ZNF280D: variants seen among roughly 807,000 people sequenced by gnomAD.
ZNF280D encodes zinc finger protein 280D.
A neutral mutation model predicts 94.7 loss-of-function variants in ZNF280D; 39 were observed. The observed-to-expected ratio is 0.41, with a 90% CI of 0.32 to 0.54. The LOEUF (loss-of-function observed/expected upper bound fraction) is 0.54, where lower values mean the gene tolerates loss of function less well. Among genes scored for constraint, ZNF280D ranks in the 20% least tolerant of loss-of-function variants. The pLI is 0.22. For missense variants in ZNF280D, 1,090 were observed against 1,149.3 expected (o/e 0.95, Z 0.75); for synonymous variants, 398 against 377.6 (o/e 1.05, Z -0.63).
At chr15:56,687,731 G>A (rs1387816447) in intron 9 of ZNF280D, among the ~76,000 whole-genome samples, 9 of 152,100 alleles carry the variant, frequency 5.9e-5, no homozygotes, top group African/African-American at 2.2e-4. Flanking sequence ...TTACACAGAA[G>A]AGGAAAATTG....
At position 56,669,973 on chromosome 15, in the gene ZNF280D, TAATATATATA is replaced by T. The variant is rs1566961182; in HGVS notation, c.1411-1026_1411-1017del. ...ATTATATATATATATTATATATATATAATATATATATTATATATATATATTATATATATAT... is the reference window on the plus strand; with the variant it reads ...ATTATATATATATATTATATATATATTTATATATATATATTATATATATAT... On this transcript the variant is annotated intron_variant, in intron 13 of 21. Transcript: ENST00000267807. Among the ~76,000 whole-genome samples the T allele has an allele frequency of 3.1e-3, 2 of 650 alleles. 1 individual carries two copies. Among genetic ancestry groups the T allele is most frequent in the Non-Finnish European group, 7.8e-3 (2 of 258 alleles). The allele number at this position is 650 out of a possible 152,430, so 0.4% of individuals were successfully genotyped here. A position where few individuals can be genotyped will look rare whatever the true frequency, so the allele number is the denominator to read the frequency against.
At position 56,657,399 on chromosome 15, in the gene ZNF280D, C is replaced by T. The variant is rs2053616726; in HGVS notation, c.2057+1025G>A. 3.9e-5 allele frequency among the ~76,000 whole-genome samples: 6 copies of T among 152,060 alleles called. 1 individual carries two copies. The highest frequency in any genetic ancestry group is 3.9e-4 in the Admixed American group (6 of 15,252). Reference sequence around the variant, plus strand: ...CTTCAAAACTAAAAAAGTGTTCATTCCTTTAAGAGATAGCTTAGCTATCTT... The same window carrying T: ...CTTCAAAACTAAAAAAGTGTTCATTTCTTTAAGAGATAGCTTAGCTATCTT... On this transcript the variant is annotated intron_variant, in intron 17 of 21. Transcript: ENST00000267807.
intron 1 of ZNF280D, among the ~76,000 whole-genome samples, chr15:56,718,579 C>T (rs932787561): frequency 2.6e-5 from 4 of 152,186 alleles, no homozygotes; most frequent in Admixed American, 6.5e-5. Context: ...TAAATCAGTA[C>T]AGTTATTAAA....
chr15:56,712,394 A>C (rs1025592269), intron 1 of ZNF280D, among the ~76,000 whole-genome samples: 30 of 152,030 alleles, frequency 2.0e-4, no homozygotes, highest in Non-Finnish European at 1.5e-5. Context: ...TAATTCCAGC[A>C]CTTTGGGAGG....
At chr15:56,700,805 T>C in intron 6 of ZNF280D, 128 bp downstream of exon 6, 1 of 1,561,814 alleles carries the variant, frequency 6.4e-7, no homozygotes, top group African/African-American at 1.4e-5. Context: ...TGACATTTTC[T>C]GATGCTAACT....
intron 7 of ZNF280D, among the ~76,000 whole-genome samples, chr15:56,690,690 A>G (rs1188443177): frequency 6.6e-6 from 1 of 152,220 alleles, no homozygotes; most frequent in African/African-American, 2.4e-5. Flanking sequence ...TATCCAGGCT[A>G]TAAAAAGGCT....
rs1309333741 is a variant in ZNF280D, at chr15:56,631,457, T to C, written c.*41A>G. On this transcript the variant is annotated 3_prime_UTR_variant, in exon 22 of 22. Transcript: ENST00000267807. ...GCTCACCTGATAGCACTGTTCCAAATGCCCTTATCGTTGGTACACTGAAAC... is the reference window on the plus strand; with the variant it reads ...GCTCACCTGATAGCACTGTTCCAAACGCCCTTATCGTTGGTACACTGAAAC... 3.1e-6 allele frequency: 5 copies of C among 1,592,030 alleles called. No individual in the cohort carries two copies. Among genetic ancestry groups the C allele is most frequent in the African/African-American group, 1.3e-5 (1 of 74,512 alleles).
At chr15:56,700,496 T>A in intron 6 of ZNF280D, 1 of 1,000,962 alleles carries the variant, frequency 1.0e-6, no homozygotes, top group Non-Finnish European at 1.2e-6. Context: ...GGGAGTTTTT[T>A]GTAATAGGAA....
rs1366681728 is a variant in ZNF280D at position 56,630,460 on chromosome 15, A to C, written c.*1038T>G. On this transcript the variant is annotated 3_prime_UTR_variant, in exon 22 of 22. Coordinates refer to ENST00000267807, the MANE Select transcript of ZNF280D (RefSeq NM_017661.4). Reference sequence around the variant, plus strand: ...GCCATCTTATAGATAAATTAGGCTAAATTTCCAAAACCAGTTCTTTTACAT... The same window carrying C: ...GCCATCTTATAGATAAATTAGGCTACATTTCCAAAACCAGTTCTTTTACAT... 1 of 152,150 alleles carries C rather than the reference A, an allele frequency of 6.6e-6. No individual in the cohort carries two copies. Among genetic ancestry groups the C allele is most frequent in the East Asian group, 1.9e-4 (1 of 5,202 alleles). The allele number at this position is 152,150 out of a possible 1,614,324, so 9.4% of individuals were successfully genotyped here.
intron 6 of ZNF280D, among the ~76,000 whole-genome samples, chr15:56,694,660 T>C (rs893196440): frequency 6.6e-6 from 1 of 152,060 alleles, no homozygotes; most frequent in African/African-American, 2.4e-5. Flanking sequence ...TACTACAAAA[T>C]AAATTAATTA....
At chr15:56,663,020 T>G (rs1406771074) in intron 16 of ZNF280D, among the ~76,000 whole-genome samples, 1 of 150,948 alleles carries the variant, frequency 6.6e-6, no homozygotes, top group Non-Finnish European at 1.5e-5. Flanking sequence ...GAGGGGGTGC[T>G]CAGCTATAAT....
chr15:56,658,361 T>TA (rs1173219829), intron 17 of ZNF280D, 63 bp downstream of exon 17: 49 of 1,255,366 alleles, frequency 3.9e-5, no homozygotes, highest in East Asian at 2.2e-4. Flanking sequence ...GCTGTTGTGT[T>TA]AAAAAAAATT....
intron 9 of ZNF280D, among the ~76,000 whole-genome samples, chr15:56,685,763 G>GAAACC (rs1334022879): frequency 1.3e-5 from 2 of 152,122 alleles, no homozygotes; most frequent in African/African-American, 4.8e-5. Flanking sequence ...AACTCTCTTA[G>GAAACC]AAACCTAAGC....
chr15:56,719,506 T>A (rs889900168), intron 1 of ZNF280D, among the ~76,000 whole-genome samples: 3 of 152,230 alleles, frequency 2.0e-5, no homozygotes, highest in Non-Finnish European at 4.4e-5. Context: ...GGTACCACGA[T>A]ACTTGCAGAA....
chr15:56,680,057 T>C lies in ZNF280D; in HGVS notation c.1005-1236A>G, dbSNP rs542891164. ...TATTATATGAGTTCCCATCAACTCA[T>C]ACTTCTCAAACCAATAGAAATGAGG... On this transcript the variant is annotated intron_variant, in intron 10 of 21. Coordinates refer to ENST00000267807, the MANE Select transcript of ZNF280D (RefSeq NM_017661.4). Among the ~76,000 whole-genome samples, 429 of 152,318 alleles carry C rather than the reference T, an allele frequency of 2.8e-3. 1 individual carries two copies. Among genetic ancestry groups the C allele is most frequent in the Non-Finnish European group, 3.8e-3 (258 of 68,018 alleles).
At chr15:56,686,620 T>C (rs1343301152) in intron 9 of ZNF280D, among the ~76,000 whole-genome samples, 1 of 152,110 alleles carries the variant, frequency 6.6e-6, no homozygotes, top group African/African-American at 2.4e-5. Flanking sequence ...GAAATATAAA[T>C]ATAATTAATA....
intron 6 of ZNF280D, among the ~76,000 whole-genome samples, chr15:56,696,539 T>C (rs1455536064): frequency 6.6e-6 from 1 of 152,180 alleles, no homozygotes; most frequent in Non-Finnish European, 1.5e-5. Flanking sequence ...CTATATCACA[T>C]TGACTTTCTG....
intron 19 of ZNF280D, among the ~76,000 whole-genome samples, chr15:56,650,064 T>C (rs1268866670): frequency 6.6e-6 from 1 of 152,134 alleles, no homozygotes; most frequent in African/African-American, 2.4e-5. Flanking sequence ...CAGTTGACTA[T>C]AGTCCCTGTA....
chr15:56,638,664 ATAGT>A (rs1342837855), intron 20 of ZNF280D, among the ~76,000 whole-genome samples: 4 of 152,166 alleles, frequency 2.6e-5, no homozygotes, highest in Admixed American at 6.6e-5. Flanking sequence ...GCTTTGGAAA[ATAGT>A]TATTTTTCAG....
Sources: gnomAD v4.1 joint callset for allele counts (sites outside exome capture counted in the v4.1 genomes callset) on GRCh38, gnomAD v4.1.1 for gene constraint, MANE v1.5 for transcripts, NCBI Gene and HGNC (gene_info 2026-07-23, HGNC 2026-07-21) for gene names.